The following HIVEP1 variants were observed in gnomAD, a reference collection of about 807,000 sequenced individuals.
HIVEP1 encodes HIVEP zinc finger 1, also known as zinc finger protein 40.
Under a neutral mutation model 180.0 loss-of-function variants are expected in HIVEP1, and 36 were observed. The observed-to-expected ratio is 0.20, with a 90% confidence interval of 0.15 to 0.26. HIVEP1 has a LOEUF of 0.26. HIVEP1 is among the 10% of genes least tolerant of loss of function. The probability of loss-of-function intolerance (pLI) is 1.00; values close to 1 mark genes in which losing one functional copy is unlikely to be tolerated. For synonymous variants in HIVEP1, 1,239 were observed against 1,239.0 expected, an observed-to-expected ratio of 1.00 and a Z score of 0.00; for missense variants, 3,143 against 3,268.7, an observed-to-expected ratio of 0.96 and a Z score of 0.94.
At chr6:12,023,077 G>A (rs1768351601) in intron 2 of HIVEP1, among the ~76,000 whole-genome samples, 2 of 152,162 alleles carry the variant, frequency 1.3e-5, no homozygotes, top group Admixed American at 1.3e-4. Context: ...CAGATCACGC[G>A]GGATTGAAGT....
intron 4 of HIVEP1, 107 bp from the exon 5 acceptor site, chr6:12,129,652 C>T (rs762083103): frequency 1.4e-5 from 12 of 873,052 alleles, no homozygotes; most frequent in Middle Eastern, 2.1e-4. Context: ...AAATGCATTT[C>T]GTTGACCATA....
chr6:12,208,640 T>C, the HIVEP1 span, among the ~76,000 whole-genome samples: 2 of 152,266 alleles, frequency 1.3e-5, no homozygotes, highest in East Asian at 1.9e-4. Context: ...TAAAATGGGA[T>C]CCTGGGAGTG....
At position 12,069,746 on chromosome 6, in the gene HIVEP1, GA is replaced by G. The variant is rs1333862668; in HGVS notation, c.41-19431del. ...ATAATAATAAATAAATAAATAAAAA[GA>G]AAAAAATTGTGTTAGTAATAAATTA... On this transcript the variant is annotated intron_variant, in intron 2 of 8. Transcript: ENST00000379388. Among the ~76,000 whole-genome samples, 7 of 150,742 alleles carry G rather than the reference GA, an allele frequency of 4.6e-5. No homozygotes were observed. The East Asian group carries it at 1.2e-3, about 25-fold the overall frequency.
chr6:12,163,712 G>T lies in HIVEP1; in HGVS notation c.7408G>T (p.Gly2470Cys). Residue 2470 changes from glycine (G) to cysteine (C), a missense_variant, in exon 9 of 9, where the codon GGC (glycine) becomes TGC (cysteine). Around this residue, in one of 12 missense-constraint regions of HIVEP1, gnomAD observed 595 missense variants for 602.2 expected, o/e 0.99. Transcript: ENST00000379388. Reference sequence around the variant, plus strand: ...CAGTGTTGTGCCATGTATTCCTATCGGCCAAATCCGCGTGCCAGGCCTTCA... The same window carrying T: ...CAGTGTTGTGCCATGTATTCCTATCTGCCAAATCCGCGTGCCAGGCCTTCA... ...LSSVVPCIPI[G>C]QIRVPGLQNL... is the part of the protein sequence containing the mutation. The T allele has an allele frequency of 6.2e-7, 1 of 1,614,038 alleles. No individual in the cohort carries two copies. The highest frequency in any genetic ancestry group is 8.5e-7 in the Non-Finnish European group (1 of 1,180,014).
intron 2 of HIVEP1, among the ~76,000 whole-genome samples, chr6:12,061,256 A>C (rs1302749912): frequency 6.6e-6 from 1 of 152,218 alleles, no homozygotes; most frequent in East Asian, 1.9e-4. Context: ...TGATTTGATG[A>C]AAAGAGTTTA....
At chr6:12,171,899 A>G in the HIVEP1 span, among the ~76,000 whole-genome samples, 1 of 152,346 alleles carries the variant, frequency 6.6e-6, no homozygotes, top group African/African-American at 2.4e-5. Context: ...TATTGGGATC[A>G]GCCGGGGAGG....
intron 2 of HIVEP1, among the ~76,000 whole-genome samples, chr6:12,074,080 T>G (rs1371394819): frequency 6.6e-6 from 1 of 152,260 alleles, no homozygotes. Context: ...GTTTACTGTA[T>G]GTTATAGGTA....
At chr6:12,197,884 G>T in the HIVEP1 span, among the ~76,000 whole-genome samples, 9 of 152,332 alleles carry the variant, frequency 5.9e-5, no homozygotes, top group Admixed American at 3.9e-4. Flanking sequence ...GGGTTTGAAA[G>T]CTATTTAGGA....
At chr6:12,029,705 ATCTCCTTTTCTT>A (rs1768813653) in intron 2 of HIVEP1, among the ~76,000 whole-genome samples, 1 of 152,038 alleles carries the variant, frequency 6.6e-6, no homozygotes, top group South Asian at 2.1e-4. Flanking sequence ...TTTCTCCAGT[ATCTCCTTTTCTT>A]TCTCCTTTTA....
At chr6:12,207,125 T>G in the HIVEP1 span, among the ~76,000 whole-genome samples, 1 of 152,186 alleles carries the variant, frequency 6.6e-6, no homozygotes, top group East Asian at 1.9e-4. Context: ...GTCAGACAAA[T>G]CATTCCTGAT....
chr6:12,142,012 C>T (rs1448922010), intron 7 of HIVEP1, among the ~76,000 whole-genome samples: 1 of 152,172 alleles, frequency 6.6e-6, no homozygotes, highest in Non-Finnish European at 1.5e-5. Flanking sequence ...AGGACTTGAA[C>T]TCCGCTCTGC....
intron 3 of HIVEP1, among the ~76,000 whole-genome samples, chr6:12,100,549 C>T (rs973803440): frequency 4.6e-5 from 7 of 152,172 alleles, no homozygotes; most frequent in African/African-American, 1.7e-4. Flanking sequence ...GATCCTAGAA[C>T]TTTCTTAGAA....
the HIVEP1 span, among the ~76,000 whole-genome samples, chr6:12,176,376 C>T: frequency 2.6e-5 from 4 of 151,744 alleles, no homozygotes; most frequent in East Asian, 1.9e-4. Flanking sequence ...GGATTACAGG[C>T]GCCTGCCATC....
chr6:12,032,537 T>C (rs1322688883), intron 2 of HIVEP1, among the ~76,000 whole-genome samples: 2 of 152,190 alleles, frequency 1.3e-5, no homozygotes, highest in East Asian at 1.9e-4. Flanking sequence ...GGGATTGGGA[T>C]TGAATCCTGG....
chr6:12,187,372 G>C, the HIVEP1 span, among the ~76,000 whole-genome samples: 2 of 152,024 alleles, frequency 1.3e-5, no homozygotes, highest in Admixed American at 6.6e-5. Context: ...CTGTGGGGTG[G>C]TGAGTGAGTT....
intron 3 of HIVEP1, among the ~76,000 whole-genome samples, chr6:12,092,803 A>G (rs1773560055): frequency 6.6e-6 from 1 of 152,184 alleles, no homozygotes; most frequent in South Asian, 2.1e-4. Context: ...AACTGATTTT[A>G]TTTAAACAAA....
At chr6:12,057,389 T>G (rs1770951087) in intron 2 of HIVEP1, among the ~76,000 whole-genome samples, 1 of 152,222 alleles carries the variant, frequency 6.6e-6, no homozygotes, top group Admixed American at 6.5e-5. Flanking sequence ...TTGAAATGGT[T>G]GGCAGTCAGT....
chr6:12,159,236 G>A (rs1422291795), intron 7 of HIVEP1, among the ~76,000 whole-genome samples: 1 of 152,152 alleles, frequency 6.6e-6, no homozygotes. Context: ...GCACGCTTGT[G>A]TGTGTGTTTA....
At chr6:12,056,580 T>TA (rs1770889738) in intron 2 of HIVEP1, among the ~76,000 whole-genome samples, 1 of 152,226 alleles carries the variant, frequency 6.6e-6, no homozygotes, top group Non-Finnish European at 1.5e-5. Context: ...TAGATTATCA[T>TA]ATCAGCTGCA....
Sources: allele counts gnomAD v4.1 joint callset (sites outside exome capture counted in the v4.1 genomes callset), GRCh38; gene constraint gnomAD v4.1.1; regional missense constraint gnomAD v4.1.1; transcripts MANE v1.5; gene names NCBI Gene and HGNC (gene_info 2026-07-23, HGNC 2026-07-21).